The following CACHD1 variants were observed in gnomAD, a reference collection of about 807,000 sequenced individuals.
CACHD1 encodes the protein VWFA and cache domain-containing protein 1.
A neutral mutation model predicts 138.7 loss-of-function variants in CACHD1; 71 were observed. The ratio of observed to expected loss-of-function variants is 0.51; its 90% confidence interval spans 0.42 to 0.62. CACHD1 has a LOEUF of 0.62. CACHD1 is among the 20% of genes least tolerant of loss of function. The pLI is 0.00. For synonymous variants in CACHD1, 578 were observed against 591.5 expected, an observed-to-expected ratio of 0.98 and a Z score of 0.33; for missense variants, 1,389 against 1,625.3, an observed-to-expected ratio of 0.85 and a Z score of 2.50.
chr1:64,629,437 A>C lies in CACHD1; in HGVS notation c.600A>C (p.Pro200=). The change falls in exon 5 of 27, where the codon CCA becomes CCC. Residue 200 remains proline (P), a synonymous_variant. Transcript: ENST00000651257. ...SSEEGIFTVF[P]AHKFRCKGSY... ...AAGAAGGAATTTTCACTGTTTTCCC[A>C]GCACACAAGTTCCGGTGTAAGGGCA... 6.2e-7 allele frequency: 1 copy of C among 1,614,188 alleles called. No individual in the cohort carries two copies. The highest frequency in any genetic ancestry group is 8.5e-7 in the Non-Finnish European group (1 of 1,179,984).
chr1:64,478,917 A>G (rs528252264), intron 1 of CACHD1, among the ~76,000 whole-genome samples: 1 of 152,084 alleles, frequency 6.6e-6, no homozygotes, highest in Non-Finnish European at 1.5e-5. Context: ...TTTTATGAGA[A>G]GCTGGGTGTC....
Position 64,663,753 on chromosome 1 carries a change from C to T in CACHD1, c.2010C>T (p.Ser670=). 6.2e-7 allele frequency: 1 copy of T among 1,614,056 alleles called. No individual in the cohort carries two copies. Among genetic ancestry groups the T allele is most frequent in the Non-Finnish European group, 8.5e-7 (1 of 1,179,992 alleles). ...TTTCCTCCCCCTATGAGCACCTCAGCCAGCCAGAGACAAAGCGCATGGTAG... is the reference window on the plus strand; with the variant it reads ...TTTCCTCCCCCTATGAGCACCTCAGTCAGCCAGAGACAAAGCGCATGGTAG... ...GSFSSPYEHL[S]QPETKRMVEH... is the part of the protein sequence containing the mutation. Residue 670 remains serine, a synonymous_variant, in exon 14 of 27, where the codon AGC becomes AGT. Coordinates refer to ENST00000651257, the MANE Select transcript of CACHD1 (RefSeq NM_020925.4).
chr1:64,579,050 T>G (rs1164590365), intron 2 of CACHD1, among the ~76,000 whole-genome samples: 1 of 152,200 alleles, frequency 6.6e-6, no homozygotes, highest in Non-Finnish European at 1.5e-5. Context: ...TTAGGGCCGC[T>G]GGCTTCTACC....
In CACHD1 at chr1:64,586,211, G is replaced by A. The variant is rs959711102; in HGVS notation, c.410+3907G>A. ...CCCAAGAAGCTGGGACTACAGGGGC[G>A]TGCCACCACGCCCGGCTAATTTTTG... On this transcript the variant is annotated intron_variant, in intron 3 of 26. Transcript: ENST00000651257. 3.9e-5 allele frequency among the ~76,000 whole-genome samples: 6 copies of A among 152,088 alleles called. No individual in the cohort carries two copies. In the South Asian group the frequency reaches 6.2e-4, roughly 16 times the overall value.
intron 14 of CACHD1, 144 bp downstream of exon 14, chr1:64,663,981 G>A (rs1231409984): frequency 9.2e-7 from 1 of 1,087,234 alleles, no homozygotes; most frequent in Non-Finnish European, 1.3e-6. Context: ...TGGCCCAGGG[G>A]AGGCTGGTCA....
chr1:64,534,344 A>T (rs146405445), intron 1 of CACHD1, among the ~76,000 whole-genome samples: 2 of 152,060 alleles, frequency 1.3e-5, no homozygotes, highest in Non-Finnish European at 2.9e-5. Context: ...GCGCCCGGCC[A>T]TCTTTTTCTT....
At chr1:64,627,356 G>C (rs1648144967) in intron 4 of CACHD1, among the ~76,000 whole-genome samples, 1 of 152,150 alleles carries the variant, frequency 6.6e-6, no homozygotes, top group Admixed American at 6.5e-5. Flanking sequence ...GCAGTGAGCT[G>C]TGATTACACC....
At position 64,625,298 on chromosome 1, in the gene CACHD1, G is replaced by A. The variant is rs147660950; in HGVS notation, c.518-4057G>A. On this transcript the variant is annotated intron_variant, in intron 4 of 26. Transcript: ENST00000651257. ...ATGATAGACACTGGGGACTTGGAAAGGTGAGAGGGTGGGAGGCGGAGTGAG... is the reference window on the plus strand; with the variant it reads ...ATGATAGACACTGGGGACTTGGAAAAGTGAGAGGGTGGGAGGCGGAGTGAG... Among the ~76,000 whole-genome samples, 296 of 152,282 alleles carry A rather than the reference G, an allele frequency of 1.9e-3. 1 individual carries two copies. Among genetic ancestry groups the A allele is most frequent in the African/African-American group, 7.0e-3 (289 of 41,568 alleles).
chr1:64,587,676 C>T (rs544381569), intron 3 of CACHD1, among the ~76,000 whole-genome samples: 22 of 152,130 alleles, frequency 1.4e-4, no homozygotes, highest in Non-Finnish European at 2.5e-4. Flanking sequence ...TCATTTTCAA[C>T]GGTATCACTT....
intron 26 of CACHD1, 64 bp downstream of exon 26, chr1:64,682,170 T>G (rs977936291): frequency 2.8e-5 from 39 of 1,385,786 alleles, no homozygotes; most frequent in Non-Finnish European, 3.8e-5. Flanking sequence ...GGGATGATGC[T>G]CACACCCTAT....
At chr1:64,608,636 A>G (rs1647416189) in intron 4 of CACHD1, among the ~76,000 whole-genome samples, 1 of 152,230 alleles carries the variant, frequency 6.6e-6, no homozygotes, top group Non-Finnish European at 1.5e-5. Context: ...CCTACTTTCT[A>G]AATTGACTCC....
intron 4 of CACHD1, among the ~76,000 whole-genome samples, chr1:64,603,621 G>T (rs536866766): frequency 1.3e-5 from 2 of 152,110 alleles, no homozygotes; most frequent in Admixed American, 1.3e-4. Context: ...GAAAAATGCT[G>T]TGAGAGCTTT....
chr1:64,522,291 T>C (rs1019310126), intron 1 of CACHD1, among the ~76,000 whole-genome samples: 1 of 143,602 alleles, frequency 7.0e-6, no homozygotes, highest in Non-Finnish European at 1.5e-5. Context: ...TTCTTTTCTT[T>C]TCCTCTCAAC....
rs571991702 is a variant in CACHD1 at position 64,476,831 on chromosome 1, TA to T, written c.198+5891del. ...GGAGAGGAGATGGTTTTACACTTAG[TA>T]ACATGTTGCTGCTATTTCTGGTTGC... On this transcript the variant is annotated intron_variant, in intron 1 of 26. Transcript: ENST00000651257. Among the ~76,000 whole-genome samples, 9 of 152,332 alleles carry T rather than the reference TA, an allele frequency of 5.9e-5. No individual in the cohort carries two copies. The South Asian group carries it at 1.4e-3, about 25-fold the overall frequency.
chr1:64,548,218 A>G (rs1557487347), intron 1 of CACHD1, among the ~76,000 whole-genome samples: 1 of 152,198 alleles, frequency 6.6e-6, no homozygotes, highest in Non-Finnish European at 1.5e-5. Flanking sequence ...TGTTGGCTTG[A>G]GCAGGGTGCA....
chr1:64,529,045 G>A (rs948845768), intron 1 of CACHD1, among the ~76,000 whole-genome samples: 3 of 152,012 alleles, frequency 2.0e-5, no homozygotes, highest in African/African-American at 7.2e-5. Context: ...TTATAATTTG[G>A]AGAAATGGGA....
At chr1:64,572,485 T>C (rs1297489614) in intron 2 of CACHD1, among the ~76,000 whole-genome samples, 2 of 152,148 alleles carry the variant, frequency 1.3e-5, no homozygotes, top group East Asian at 3.9e-4. Context: ...CTTGAGTTGA[T>C]AACCTTGGCT....
rs1005463010 is a variant in CACHD1 at position 64,516,544 on chromosome 1, G to A, written c.199-34050G>A. Among the ~76,000 whole-genome samples the A allele has an allele frequency of 3.3e-5, 5 of 152,102 alleles. No homozygotes were observed. In the South Asian group the frequency reaches 6.2e-4, roughly 19 times the overall value. ...AGTGAGGCTGTCACGTTGGAAAAAAGGAATGACCAAATGATGAGCCAGACT... is the reference window on the plus strand; with the variant it reads ...AGTGAGGCTGTCACGTTGGAAAAAAAGAATGACCAAATGATGAGCCAGACT... On this transcript the variant is annotated intron_variant, in intron 1 of 26. Transcript: ENST00000651257.
At chr1:64,595,852 A>G (rs1323619695) in intron 3 of CACHD1, among the ~76,000 whole-genome samples, 3 of 152,220 alleles carry the variant, frequency 2.0e-5, no homozygotes, top group Non-Finnish European at 2.9e-5. Flanking sequence ...GACTTAATAG[A>G]GAGGGAGACA....
Sources: gnomAD v4.1 joint callset for allele counts (sites outside exome capture counted in the v4.1 genomes callset) on GRCh38, gnomAD v4.1.1 for gene constraint, MANE v1.5 for transcripts, NCBI Gene and HGNC (gene_info 2026-07-23, HGNC 2026-07-21) for gene names.